Variants in OXSR1 observed in about 807,000 individuals in gnomAD.
The protein encoded by OXSR1 is serine/threonine-protein kinase OSR1.
In OXSR1, 24 loss-of-function variants were observed where a neutral mutation model predicts 79.8. The observed-to-expected ratio is 0.30, with a 90% CI of 0.22 to 0.42. The LOEUF (loss-of-function observed/expected upper bound fraction) is 0.42. Among genes scored for constraint, OXSR1 ranks in the 10% least tolerant of loss-of-function variants. The probability of loss-of-function intolerance (pLI) is 1.00; values close to 1 mark genes in which losing one functional copy is unlikely to be tolerated. For missense variants in OXSR1, 430 were observed against 618.4 expected, an observed-to-expected ratio of 0.70 and a Z score of 3.23; for synonymous variants, 226 against 209.2, an observed-to-expected ratio of 1.08 and a Z score of -0.69.
intron 5 of OXSR1, among the ~76,000 whole-genome samples, chr3:38,219,605 A>AC: frequency 6.6e-6 from 1 of 152,312 alleles, no homozygotes; most frequent in East Asian, 1.9e-4. Flanking sequence ...ATTGTAGCAC[A>AC]AAGATTGAAA....
chr3:38,178,428 T>C (rs6799701), intron 1 of OXSR1, among the ~76,000 whole-genome samples: 13,107 of 151,882 alleles, frequency 0.086, 747 homozygotes, highest in African/African-American at 0.16. Flanking sequence ...GTTATATGTG[T>C]AAATCATATA....
intron 3 of OXSR1, among the ~76,000 whole-genome samples, chr3:38,195,967 C>T (rs999280685): frequency 2.0e-5 from 3 of 152,124 alleles, no homozygotes; most frequent in Admixed American, 1.3e-4. Context: ...TGGATTTTAA[C>T]GGACAGCTTT....
chr3:38,216,181 T>C, intron 5 of OXSR1, 30 bp downstream of exon 5: 2 of 1,357,500 alleles, frequency 1.5e-6, no homozygotes, highest in Non-Finnish European at 2.1e-6. Context: ...TTTATTTGAT[T>C]TAATGGTCAG....
chr3:38,216,921 T>A (rs1187749151), intron 5 of OXSR1, among the ~76,000 whole-genome samples: 1 of 152,208 alleles, frequency 6.6e-6, no homozygotes, highest in Non-Finnish European at 1.5e-5. Context: ...TTGATAAATT[T>A]GACTCCTTTA....
intron 1 of OXSR1, among the ~76,000 whole-genome samples, chr3:38,169,384 C>T (rs1181132320): frequency 6.6e-6 from 1 of 152,002 alleles, no homozygotes; most frequent in African/African-American, 2.4e-5. Context: ...CGGCTCACTG[C>T]AACCTCTGTC....
intron 11 of OXSR1, among the ~76,000 whole-genome samples, 172 bp downstream of exon 11, chr3:38,237,133 T>C (rs926143311): frequency 6.6e-6 from 1 of 152,138 alleles, no homozygotes; most frequent in Non-Finnish European, 1.5e-5. Flanking sequence ...TCTGTTTGAA[T>C]ATGATAATAT....
intron 1 of OXSR1, among the ~76,000 whole-genome samples, chr3:38,168,144 G>T (rs1701504107): frequency 6.6e-6 from 1 of 152,092 alleles, no homozygotes; most frequent in Admixed American, 6.5e-5. Flanking sequence ...GTTTTTAAAA[G>T]GTTAGGAACT....
At chr3:38,252,448 C>T in intron 17 of OXSR1, 56 bp downstream of exon 17, 1 of 1,122,302 alleles carries the variant, frequency 8.9e-7, no homozygotes, top group South Asian at 1.2e-5. Context: ...CTGGCAGCTT[C>T]TCCAGACCAG....
chr3:38,167,911 G>A (rs1484958373), intron 1 of OXSR1, among the ~76,000 whole-genome samples: 2 of 148,192 alleles, frequency 1.3e-5, no homozygotes, highest in Non-Finnish European at 3.0e-5. Flanking sequence ...TTTTTTTCTG[G>A]TAGTGTATCC....
Position 38,255,381 on chromosome 3 carries a change from T to C in OXSR1, c.*2490T>C, listed in dbSNP as rs1559533115. The stretch of plus-strand genomic sequence containing the variant: ...GGAGATTCCTCCTTATGATGTATGC[T>C]AGGTTATGGAAGATGTAAAATATTC... On this transcript the variant is annotated 3_prime_UTR_variant, in exon 18 of 18. Transcript: ENST00000311806. The C allele has an allele frequency of 1.3e-5, 2 of 152,688 alleles. No homozygotes were observed. Among genetic ancestry groups the C allele is most frequent in the Non-Finnish European group, 2.9e-5 (2 of 68,040 alleles). The allele number at this position is 152,688 out of a possible 1,614,324, so 9.5% of individuals were successfully genotyped here.
At position 38,246,882 on chromosome 3, in the gene OXSR1, A is replaced by G. The variant is rs142515296; in HGVS notation, c.1257+661A>G. On this transcript the variant is annotated intron_variant, in intron 13 of 17. Coordinates refer to ENST00000311806, the MANE Select transcript of OXSR1 (RefSeq NM_005109.3). ...GTACATGGTTAAAGTAAGACTTTCA[A>G]CGTCCATTTATTAAATATTAGAAGT... Among the ~76,000 whole-genome samples, 593 of 152,286 alleles carry G rather than the reference A, an allele frequency of 3.9e-3. 6 individuals are homozygous for G. Among genetic ancestry groups the G allele is most frequent in the African/African-American group, 0.014 (580 of 41,558 alleles).
intron 8 of OXSR1, among the ~76,000 whole-genome samples, chr3:38,228,756 C>G (rs1016737770): frequency 6.6e-6 from 1 of 152,062 alleles, no homozygotes; most frequent in Non-Finnish European, 1.5e-5. Context: ...GTTTTTTTAG[C>G]AGAGACTGGG....
chr3:38,247,173 C>G (rs545440755), intron 13 of OXSR1, among the ~76,000 whole-genome samples: 3 of 152,084 alleles, frequency 2.0e-5, no homozygotes, highest in African/African-American at 7.2e-5. Context: ...CAACTTAAAT[C>G]GAATGCATGT....
At chr3:38,191,458 T>C (rs923687621) in intron 3 of OXSR1, among the ~76,000 whole-genome samples, 12 of 152,132 alleles carry the variant, frequency 7.9e-5, no homozygotes, top group African/African-American at 2.9e-4. Flanking sequence ...TCTTGTAGAA[T>C]ATGCCATATT....
chr3:38,207,134 A>G (rs1293985027), intron 4 of OXSR1, among the ~76,000 whole-genome samples: 1 of 152,186 alleles, frequency 6.6e-6, no homozygotes, highest in Non-Finnish European at 1.5e-5. Context: ...CTCTGTCACC[A>G]CTACTTTGTT....
chr3:38,218,085 A>G (rs753975543), intron 5 of OXSR1, among the ~76,000 whole-genome samples: 1 of 152,054 alleles, frequency 6.6e-6, no homozygotes, highest in Non-Finnish European at 1.5e-5. Flanking sequence ...GAGTGTCCAA[A>G]TATCTGTCTG....
intron 15 of OXSR1, 28 bp from the exon 16 acceptor site, chr3:38,251,375 C>A: frequency 6.3e-7 from 1 of 1,597,540 alleles, no homozygotes. Flanking sequence ...GCACAAAAAA[C>A]AGAGCACTGT....
intron 12 of OXSR1, among the ~76,000 whole-genome samples, chr3:38,245,105 T>C (rs1419776225): frequency 6.6e-6 from 1 of 152,160 alleles, no homozygotes; most frequent in African/African-American, 2.4e-5. Context: ...AATGAGTAAT[T>C]TATGACTTCT....
At chr3:38,230,337 G>T in intron 9 of OXSR1, 28 bp from the exon 10 acceptor site, 1 of 1,473,332 alleles carries the variant, frequency 6.8e-7, no homozygotes, top group South Asian at 1.2e-5. Flanking sequence ...AAACTTGTAA[G>T]AACAAAATAC....
Sources: allele counts gnomAD v4.1 joint callset (sites outside exome capture counted in the v4.1 genomes callset), GRCh38; gene constraint gnomAD v4.1.1; transcripts MANE v1.5; gene names NCBI Gene and HGNC (gene_info 2026-07-23, HGNC 2026-07-21).